LRBA: variants seen among roughly 807,000 people sequenced by gnomAD.
LRBA encodes the protein LPS responsive beige-like anchor protein.
In LRBA, 176 loss-of-function variants were observed where a neutral mutation model predicts 330.0. That is an observed-to-expected ratio of 0.53 (90% CI 0.47 to 0.60). LRBA has a LOEUF of 0.60. LRBA is among the 20% of genes least tolerant of loss of function. The pLI, the probability that LRBA is intolerant of heterozygous loss-of-function variation, is 0.00. For synonymous variants in LRBA, 1,230 were observed against 1,193.0 expected (o/e 1.03, Z -0.64); for missense variants, 3,259 against 3,444.8 (o/e 0.95, Z 1.35).
chr4:150,797,969 ACT>A (rs2126670939), intron 34 of LRBA, 110 bp downstream of exon 34: 2 of 656,880 alleles, frequency 3.0e-6, no homozygotes, highest in East Asian at 5.3e-5. Flanking sequence ...AAAACAGCAA[ACT>A]CACAATTTTA....
At chr4:150,941,813 G>A (rs1261936006) in intron 2 of LRBA, among the ~76,000 whole-genome samples, 1 of 151,946 alleles carries the variant, frequency 6.6e-6, no homozygotes, top group African/African-American at 2.4e-5. Context: ...CTTGAGCCTG[G>A]GAGGCGGAGG....
At chr4:150,671,106 G>A (rs994967277) in intron 37 of LRBA, among the ~76,000 whole-genome samples, 1 of 149,894 alleles carries the variant, frequency 6.7e-6, no homozygotes, top group Non-Finnish European at 1.5e-5. Flanking sequence ...GCATACAAAA[G>A]GTATAGTCAG....
chr4:150,724,233 T>C (rs188092362), intron 36 of LRBA, among the ~76,000 whole-genome samples: 1 of 152,180 alleles, frequency 6.6e-6, no homozygotes, highest in Admixed American at 6.5e-5. Context: ...CTTACTTGCA[T>C]CACCACACCC....
At chr4:150,423,233 G>A (rs576866807) in intron 46 of LRBA, 11 of 1,285,214 alleles carry the variant, frequency 8.6e-6, no homozygotes, top group East Asian at 2.3e-5. Context: ...ACGCTGCCAA[G>A]CAAACAAGAG....
At chr4:150,763,612 T>C (rs189637534) in intron 34 of LRBA, among the ~76,000 whole-genome samples, 1 of 151,950 alleles carries the variant, frequency 6.6e-6, no homozygotes, top group Non-Finnish European at 1.5e-5. Flanking sequence ...GAGAAGGGCA[T>C]GTGCCACGAA....
chr4:150,690,932 T>C (rs908554231), intron 36 of LRBA, among the ~76,000 whole-genome samples: 1 of 147,154 alleles, frequency 6.8e-6, no homozygotes, highest in African/African-American at 2.5e-5. Context: ...CTGGTCTTTT[T>C]TTTTTTTTTT....
At chr4:150,975,884 G>A (rs548082965) in intron 2 of LRBA, among the ~76,000 whole-genome samples, 2 of 152,050 alleles carry the variant, frequency 1.3e-5, no homozygotes, top group Middle Eastern at 3.4e-3. Flanking sequence ...AGTAGAGGCC[G>A]GGCGCAGTGG....
intron 37 of LRBA, among the ~76,000 whole-genome samples, chr4:150,675,885 A>C (rs1304361521): frequency 6.6e-6 from 1 of 152,076 alleles, no homozygotes; most frequent in African/African-American, 2.4e-5. Context: ...TAAAGCTCTA[A>C]ATTTTATTTT....
chr4:150,992,165 A>T lies in LRBA; in HGVS notation c.216+22262T>A, dbSNP rs370476362. The stretch of plus-strand genomic sequence containing the variant: ...ACCCAGTCTCTACTAAAAATACAAA[A>T]ATTAGCTGGACACAGTAGCGTGCGC... On this transcript the variant is annotated intron_variant, in intron 2 of 56. Transcript: ENST00000651943. Among the ~76,000 whole-genome samples, 39 of 152,170 alleles carry T rather than the reference A, an allele frequency of 2.6e-4. No homozygotes were observed. In the Middle Eastern group the frequency reaches 0.014, roughly 53 times the overall value.
chr4:150,395,983 T>C (rs1356774841), intron 47 of LRBA, among the ~76,000 whole-genome samples: 1 of 152,206 alleles, frequency 6.6e-6, no homozygotes, highest in African/African-American at 2.4e-5. Flanking sequence ...TTATGATGAT[T>C]AATTTTGTGT....
intron 42 of LRBA, among the ~76,000 whole-genome samples, chr4:150,486,498 G>A (rs1188683528): frequency 6.6e-6 from 1 of 151,622 alleles, no homozygotes; most frequent in Non-Finnish European, 1.5e-5. Flanking sequence ...TGGAAATAAA[G>A]CAAATCTTCA....
At chr4:150,949,845 G>A (rs1561045749) in intron 2 of LRBA, among the ~76,000 whole-genome samples, 1 of 150,910 alleles carries the variant, frequency 6.6e-6, no homozygotes, top group Non-Finnish European at 1.5e-5. Context: ...CCCTACTCCA[G>A]CCAAAAAAAA....
At chr4:150,908,220 C>A (rs1401175246) in intron 11 of LRBA, 114 bp downstream of exon 11, 27 of 1,021,516 alleles carry the variant, frequency 2.6e-5, no homozygotes, top group Non-Finnish European at 3.6e-5. Flanking sequence ...GTTTATAGTT[C>A]ACAAGTTTAA....
In LRBA at chr4:150,982,929, G is replaced by A. The variant is rs532712635; in HGVS notation, c.216+31498C>T. ...AACTGGAAAGTGGGAGAAGAAAACTGTATACCAAATTATTTCCTAGGAATT... is the reference window on the plus strand; with the variant it reads ...AACTGGAAAGTGGGAGAAGAAAACTATATACCAAATTATTTCCTAGGAATT... On this transcript the variant is annotated intron_variant, in intron 2 of 56. Coordinates refer to ENST00000651943, the MANE Select transcript of LRBA (RefSeq NM_001364905.1). Among the ~76,000 whole-genome samples the A allele has an allele frequency of 1.9e-3, 296 of 152,210 alleles. 2 individuals are homozygous for A. Among genetic ancestry groups the A allele is most frequent in the African/African-American group, 6.8e-3 (283 of 41,524 alleles).
chr4:150,692,767 G>C (rs1329601763), intron 36 of LRBA, among the ~76,000 whole-genome samples: 1 of 152,094 alleles, frequency 6.6e-6, no homozygotes, highest in Non-Finnish European at 1.5e-5. Context: ...AAGTACATCA[G>C]AATGCCAAAA....
chr4:150,690,096 A>T lies in LRBA; in HGVS notation c.5755-6379T>A, dbSNP rs1783983069. Among the ~76,000 whole-genome samples, 5 of 152,276 alleles carry T rather than the reference A, an allele frequency of 3.3e-5. 1 individual carries two copies. The South Asian group carries it at 1.0e-3, about 32-fold the overall frequency. ...TTTATGTATACAAAATATACAGTTT[A>T]TAGATTTAAAGATTCAACATTTTAA... On this transcript the variant is annotated intron_variant, in intron 36 of 56. Transcript: ENST00000651943.
In LRBA at chr4:150,453,863, C is replaced by T. The variant is rs536551948; in HGVS notation, c.6780+13810G>A. On this transcript the variant is annotated intron_variant, in intron 44 of 56. Transcript: ENST00000651943. The stretch of plus-strand genomic sequence containing the variant: ...ATCTTAAACCTCTTTTCTTCCTTTT[C>T]CTGTACGAAAAATTCAACCCTAAAT... 4.6e-5 allele frequency among the ~76,000 whole-genome samples: 7 copies of T among 152,304 alleles called. No individual in the cohort carries two copies. The South Asian group carries it at 1.5e-3, about 32-fold the overall frequency.
At chr4:150,887,878 T>C (rs1386797484) in intron 17 of LRBA, among the ~76,000 whole-genome samples, 2 of 150,568 alleles carry the variant, frequency 1.3e-5, no homozygotes, top group South Asian at 2.1e-4. Flanking sequence ...AAGAGAGAGA[T>C]GGATGCAGTC....
At chr4:150,861,878 G>A (rs1293667208) in intron 22 of LRBA, among the ~76,000 whole-genome samples, 19 of 152,042 alleles carry the variant, frequency 1.2e-4, no homozygotes, top group Admixed American at 1.2e-3. Flanking sequence ...CTACTTGGGA[G>A]GCTGAGGCAT....
Sources: allele counts gnomAD v4.1 joint callset (sites outside exome capture counted in the v4.1 genomes callset), GRCh38; gene constraint gnomAD v4.1.1; transcripts MANE v1.5; gene names NCBI Gene and HGNC (gene_info 2026-07-23, HGNC 2026-07-21).